Variants in MINAR1 observed in about 807,000 individuals in gnomAD.
MINAR1 encodes the protein major intrinsically disordered Notch2-binding receptor 1.
Under a neutral mutation model 65.1 loss-of-function variants are expected in MINAR1, and 40 were observed. The observed-to-expected ratio is 0.61, with a 90% CI of 0.48 to 0.80. The LOEUF is 0.80. MINAR1 is among the 30% of genes least tolerant of loss of function. The pLI, the probability that MINAR1 is intolerant of heterozygous loss-of-function variation, is 0.00. For synonymous variants in MINAR1, 482 were observed against 449.1 expected, an observed-to-expected ratio of 1.07 and a Z score of -0.93; for missense variants, 1,128 against 1,148.0, an observed-to-expected ratio of 0.98 and a Z score of 0.25.
intron 1 of MINAR1, among the ~76,000 whole-genome samples, chr15:79,440,724 T>C (rs1191038326): frequency 1.3e-5 from 2 of 152,086 alleles, no homozygotes; most frequent in East Asian, 3.9e-4. Context: ...CAGGACCACA[T>C]TCAAAGGTAT....
the MINAR1 span, chr15:79,420,921 A>T: frequency 4.7e-3 from 717 of 152,446 alleles, 7 homozygotes; most frequent in African/African-American, 0.016. Flanking sequence ...AGCTTGAAAG[A>T]GTCTGTATGA....
the MINAR1 span, chr15:79,415,457 A>G: frequency 6.6e-6 from 1 of 152,178 alleles, no homozygotes; most frequent in Admixed American, 6.5e-5. Context: ...TCTTATTTGC[A>G]ATTTCTTGAT....
rs1393019454 is a variant in MINAR1, at chr15:79,457,200, C to G, written c.1053C>G (p.Ala351=). Residue 351 remains alanine, a synonymous_variant, in exon 2 of 4, where the codon GCC becomes GCG. Coordinates refer to ENST00000305428, the MANE Select transcript of MINAR1 (RefSeq NM_015206.3). ...CTCCCGTGATGGGAACCCAAGAAGC[C>G]AGGCGCTGTCTAGGGAAGCCCAACA... The part of the protein sequence containing the change: ...GPTPVMGTQE[A]RRCLGKPNKQ... 1 of 1,613,954 alleles carries G rather than the reference C, an allele frequency of 6.2e-7. No homozygotes were observed. The highest frequency in any genetic ancestry group is 8.5e-7 in the Non-Finnish European group (1 of 1,179,990).
intron 1 of MINAR1, among the ~76,000 whole-genome samples, chr15:79,454,022 G>C (rs562280935): frequency 1.3e-5 from 2 of 150,540 alleles, no homozygotes; most frequent in Non-Finnish European, 3.0e-5. Flanking sequence ...TACATTCACT[G>C]GTCCTGTGCT....
At chr15:79,460,586 C>CTACCGGGGATCCTTGGGCACA (rs1895609003) in intron 2 of MINAR1, among the ~76,000 whole-genome samples, 1 of 152,158 alleles carries the variant, frequency 6.6e-6, no homozygotes, top group Admixed American at 6.5e-5. Flanking sequence ...GGCTCTTTCC[C>CTACCGGGGATCCTTGGGCACA]TACCGGGGAT....
the MINAR1 span, chr15:79,414,872 A>G: frequency 6.6e-6 from 1 of 152,354 alleles, no homozygotes; most frequent in Middle Eastern, 3.4e-3. Flanking sequence ...GCACTCCAAG[A>G]CGGGTACAAA....
In MINAR1 at chr15:79,456,993, G is replaced by C. The variant is rs772209843; in HGVS notation, c.846G>C (p.Glu282Asp). 2 of 1,614,160 alleles carry C rather than the reference G, an allele frequency of 1.2e-6. No homozygotes were observed. Among genetic ancestry groups the C allele is most frequent in the East Asian group, 4.5e-5 (2 of 44,880 alleles). Residue 282 changes from glutamate to aspartate, a missense_variant, in exon 2 of 4, where the codon GAG becomes GAC. Glu to Asp is a conservative substitution (Grantham distance 45). Coordinates refer to ENST00000305428, the MANE Select transcript of MINAR1 (RefSeq NM_015206.3). Reference sequence around the variant, plus strand: ...TGGTTGGCCCCATCAGCAAAGCAGAGAATGAGCACAGGGAACCCCAGAGTC... The same window carrying C: ...TGGTTGGCCCCATCAGCAAAGCAGACAATGAGCACAGGGAACCCCAGAGTC... ...PSLVGPISKA[E>D]NEHREPQSRK...
In MINAR1 at chr15:79,432,354, C is replaced by T. The variant is rs1273322118; in HGVS notation, c.-237C>T. 6.6e-6 allele frequency among the ~76,000 whole-genome samples: 1 copy of T among 152,128 alleles called. No homozygotes were observed. The highest frequency in any genetic ancestry group is 1.5e-5 in the Non-Finnish European group (1 of 67,980). ...TGAGCGCAGACCTGGACTCGGGCGGCGGAGGCGAAAGTCGCTCCATCCGCG... is the reference window on the plus strand; with the variant it reads ...TGAGCGCAGACCTGGACTCGGGCGGTGGAGGCGAAAGTCGCTCCATCCGCG... On this transcript the variant is annotated 5_prime_UTR_variant, in exon 1 of 4. Transcript: ENST00000305428.
intron 1 of MINAR1, among the ~76,000 whole-genome samples, chr15:79,450,356 A>G (rs1895151022): frequency 6.6e-6 from 1 of 152,224 alleles, no homozygotes; most frequent in South Asian, 2.1e-4. Context: ...CTGGACACCT[A>G]CAGAATCTTC....
upstream of MINAR1, among the ~76,000 whole-genome samples, chr15:79,428,704 ATC>A (rs1425917670): frequency 1.3e-5 from 2 of 152,188 alleles, no homozygotes; most frequent in Admixed American, 6.5e-5. Context: ...TTAAGAAACT[ATC>A]TCAAGTTTAC....
chr15:79,446,663 AGGGT>A (rs1378213114), intron 1 of MINAR1, among the ~76,000 whole-genome samples: 7 of 152,096 alleles, frequency 4.6e-5, no homozygotes, highest in Admixed American at 1.3e-4. Context: ...TAGGTATCTA[AGGGT>A]GAGTTCATTA....
intron 2 of MINAR1, among the ~76,000 whole-genome samples, chr15:79,460,402 A>T (rs1319503436): frequency 6.6e-6 from 1 of 152,130 alleles, no homozygotes; most frequent in East Asian, 1.9e-4. Flanking sequence ...CCATTCTGGG[A>T]GGGGTGAGGA....
rs1894496777 is a variant in MINAR1 at position 79,433,049 on chromosome 15, T to C, written c.-51+509T>C. Among the ~76,000 whole-genome samples the C allele has an allele frequency of 2.6e-5, 4 of 152,344 alleles. 1 individual carries two copies. In the South Asian group the frequency reaches 8.3e-4, roughly 32 times the overall value. ...TTGATGTGGAATGGGATCGTTGTTC[T>C]TCCCGAGGGTTTGATAAGGATGCTC... On this transcript the variant is annotated intron_variant, in intron 1 of 3. Transcript: ENST00000305428.
intron 1 of MINAR1, among the ~76,000 whole-genome samples, chr15:79,437,719 G>A (rs1229305305): frequency 1.3e-5 from 1 of 75,454 alleles, no homozygotes; most frequent in East Asian, 4.8e-4. Context: ...GGTGTGGGTG[G>A]GTAGTGAGTG....
At chr15:79,454,453 T>G (rs1246401316) in intron 1 of MINAR1, among the ~76,000 whole-genome samples, 1 of 152,206 alleles carries the variant, frequency 6.6e-6, no homozygotes, top group Non-Finnish European at 1.5e-5. Flanking sequence ...ACAAATCAGT[T>G]ATCAAAATAC....
At chr15:79,441,812 A>G (rs975322819) in intron 1 of MINAR1, among the ~76,000 whole-genome samples, 6 of 151,972 alleles carry the variant, frequency 3.9e-5, no homozygotes, top group Non-Finnish European at 8.8e-5. Context: ...CTTAGTCTTT[A>G]GTACTTTTCC....
At chr15:79,463,516 T>C (rs745523856) in intron 3 of MINAR1, among the ~76,000 whole-genome samples, 195 bp downstream of exon 3, 3 of 152,236 alleles carry the variant, frequency 2.0e-5, no homozygotes, top group Non-Finnish European at 4.4e-5. Context: ...GTTGTTTTGC[T>C]TATTTGTAAA....
rs1180714633 is a variant in MINAR1 at position 79,456,608 on chromosome 15, A to G, written c.461A>G (p.Gln154Arg). ...RSFSRGYPIRQSSKCRKMDCK... is the reference protein window; with the variant it reads ...RSFSRGYPIRRSSKCRKMDCK... Reference sequence around the variant, plus strand: ...TTCAGCCGGGGCTACCCCATCAGGCAGTCGTCCAAGTGCCGGAAGATGGAC... The same window carrying G: ...TTCAGCCGGGGCTACCCCATCAGGCGGTCGTCCAAGTGCCGGAAGATGGAC... Residue 154 changes from glutamine to arginine, a missense_variant, in exon 2 of 4, where the codon CAG becomes CGG. Coordinates refer to ENST00000305428, the MANE Select transcript of MINAR1 (RefSeq NM_015206.3). 6.2e-7 allele frequency: 1 copy of G among 1,614,088 alleles called. No homozygotes were observed. Among genetic ancestry groups the G allele is most frequent in the East Asian group, 2.2e-5 (1 of 44,886 alleles).
rs1450120954 is a variant in MINAR1 at position 79,470,828 on chromosome 15, G to A, written c.*2444G>A. The A allele has an allele frequency of 1.3e-5, 2 of 152,194 alleles. No homozygotes were observed. The highest frequency in any genetic ancestry group is 4.8e-5 in the African/African-American group (2 of 41,426). The allele number at this position is 152,194 out of a possible 1,614,324, so 9.4% of individuals were successfully genotyped here. On this transcript the variant is annotated 3_prime_UTR_variant, in exon 4 of 4. Coordinates refer to ENST00000305428, the MANE Select transcript of MINAR1 (RefSeq NM_015206.3). ...GGCCAAAAGTAAGGTGGGTTTCTCT[G>A]GAAAGGGGTCATCCTCAGTCTGATA... is the stretch of plus-strand genomic sequence containing the variant.
Sources: allele counts gnomAD v4.1 joint callset (sites outside exome capture counted in the v4.1 genomes callset), GRCh38; gene constraint gnomAD v4.1.1; transcripts MANE v1.5; gene names NCBI Gene and HGNC (gene_info 2026-07-23, HGNC 2026-07-21).